MED12L: variants seen among roughly 807,000 people sequenced by gnomAD.
MED12L encodes mediator of RNA polymerase II transcription subunit 12-like protein.
A neutral mutation model predicts 281.3 loss-of-function variants in MED12L; 60 were observed. That is an observed-to-expected ratio of 0.21 (90% CI 0.17 to 0.26). The LOEUF (loss-of-function observed/expected upper bound fraction) is 0.26. MED12L is among the 10% of genes least tolerant of loss of function. The pLI is 1.00. For synonymous variants in MED12L, 974 were observed against 987.2 expected (o/e 0.99, Z 0.25); for missense variants, 2,146 against 2,680.9 (o/e 0.80, Z 4.41).
chr3:151,315,952 A>G (rs538499921), intron 16 of MED12L, among the ~76,000 whole-genome samples: 1 of 152,354 alleles, frequency 6.6e-6, no homozygotes, highest in Admixed American at 6.5e-5. Context: ...TGAGATCTCC[A>G]TGCTTGCTTC....
chr3:151,334,245 T>A (rs1469017724), intron 16 of MED12L, among the ~76,000 whole-genome samples: 1 of 141,144 alleles, frequency 7.1e-6, no homozygotes, highest in Non-Finnish European at 1.5e-5. Context: ...CTTTTCATGC[T>A]CTTGCCCCAT....
chr3:151,410,289 G>A (rs1427863112), intron 40 of MED12L, among the ~76,000 whole-genome samples: 1 of 152,148 alleles, frequency 6.6e-6, no homozygotes, highest in Non-Finnish European at 1.5e-5. Flanking sequence ...CCATCCCTCT[G>A]GGAATCAGGA....
chr3:151,412,613 G>A (rs918247606), intron 41 of MED12L, among the ~76,000 whole-genome samples: 1 of 152,218 alleles, frequency 6.6e-6, no homozygotes, highest in Non-Finnish European at 1.5e-5. Context: ...TTTGGAAAAT[G>A]TGCATTGTAT....
chr3:151,364,521 C>T (rs1755044879), intron 21 of MED12L, among the ~76,000 whole-genome samples: 1 of 152,290 alleles, frequency 6.6e-6, no homozygotes, highest in Non-Finnish European at 1.5e-5. Context: ...AGTCTTGGCA[C>T]ACGAACTTCT....
intron 16 of MED12L, among the ~76,000 whole-genome samples, chr3:151,335,063 A>G (rs141415256): frequency 1.0e-3 from 159 of 152,326 alleles, no homozygotes; most frequent in African/African-American, 3.4e-3. Context: ...TCATGTAAGT[A>G]TACAATGTGT....
chr3:151,372,709 A>G lies in MED12L; in HGVS notation c.3807A>G (p.Ile1269Met). ...AATCCTGTGGGAAAAGCATTTCCAT[A>G]GAAACTGCCAATTTAAGAGAATACG... The part of the protein sequence containing the change: ...NPKSCGKSIS[I>M]ETANLREYAR... Residue 1269 changes from isoleucine (I) to methionine (M), a missense_variant, in exon 27 of 45, where the codon ATA (isoleucine) becomes ATG (methionine). This residue lies in a region of MED12L where 235 missense variants were observed against 260.3 expected (regional missense o/e 0.90). Coordinates refer to ENST00000687756, the MANE Select transcript of MED12L (RefSeq NM_001393769.1). 8 of 1,613,958 alleles carry G rather than the reference A, an allele frequency of 5.0e-6. No homozygotes were observed. Among genetic ancestry groups the G allele is most frequent in the Non-Finnish European group, 6.8e-6 (8 of 1,179,842 alleles).
intron 16 of MED12L, among the ~76,000 whole-genome samples, chr3:151,234,927 C>G (rs1364452260): frequency 1.3e-5 from 2 of 152,226 alleles, no homozygotes; most frequent in Non-Finnish European, 2.9e-5. Context: ...CAGCCTGAAG[C>G]AGCAAACGTT....
At chr3:151,345,029 A>G (rs146411622) in intron 16 of MED12L, among the ~76,000 whole-genome samples, 94 of 152,348 alleles carry the variant, frequency 6.2e-4, no homozygotes, top group African/African-American at 2.3e-3. Flanking sequence ...CTCAAGAGAC[A>G]TATTTTAATT....
chr3:151,410,760 T>C (rs762154202), intron 40 of MED12L, among the ~76,000 whole-genome samples: 3 of 152,248 alleles, frequency 2.0e-5, no homozygotes, highest in Non-Finnish European at 4.4e-5. Flanking sequence ...TTTTTTGTTA[T>C]TGTTTTGGAA....
chr3:151,387,295 A>G (rs1011480022), intron 36 of MED12L, among the ~76,000 whole-genome samples: 3 of 151,990 alleles, frequency 2.0e-5, no homozygotes, highest in African/African-American at 7.2e-5. Context: ...ATAATATTAT[A>G]TTCAGAGTAT....
At chr3:151,366,311 G>A (rs1020396351) in intron 23 of MED12L, among the ~76,000 whole-genome samples, 2 of 152,100 alleles carry the variant, frequency 1.3e-5, no homozygotes, top group Non-Finnish European at 2.9e-5. Context: ...TTTACCAACT[G>A]CCCTGGATTC....
At chr3:151,212,577 TAA>T (rs1425396280) in intron 16 of MED12L, 1 of 152,108 alleles carries the variant, frequency 6.6e-6, no homozygotes, top group Non-Finnish European at 1.5e-5. Context: ...AAAGCCTACT[TAA>T]AAATATTCTA....
intron 26 of MED12L, 51 bp downstream of exon 26, chr3:151,369,600 C>CA: frequency 8.4e-7 from 1 of 1,184,522 alleles, no homozygotes; most frequent in Non-Finnish European, 1.2e-6. Context: ...GAAATGAAGG[C>CA]AAAATAATTT....
intron 4 of MED12L, among the ~76,000 whole-genome samples, chr3:151,124,528 G>A (rs1441385103): frequency 6.6e-6 from 1 of 152,196 alleles, no homozygotes; most frequent in Non-Finnish European, 1.5e-5. Context: ...ATGGGGTAAA[G>A]CAATACATTC....
chr3:151,322,684 C>T (rs1032991873), intron 16 of MED12L, among the ~76,000 whole-genome samples: 1 of 152,080 alleles, frequency 6.6e-6, no homozygotes, highest in Non-Finnish European at 1.5e-5. Context: ...CTATCTCTTC[C>T]TCCTTGAATC....
At chr3:151,391,273 A>G (rs1714197397) in intron 38 of MED12L, among the ~76,000 whole-genome samples, 1 of 152,214 alleles carries the variant, frequency 6.6e-6, no homozygotes, top group Admixed American at 6.5e-5. Context: ...ATGTTCAGTA[A>G]GTGATCTTCA....
chr3:151,377,944 T>C, intron 30 of MED12L, 68 bp from the exon 31 acceptor site: 1 of 1,419,954 alleles, frequency 7.0e-7, no homozygotes, highest in Non-Finnish European at 9.4e-7. Context: ...GCTTTGGAGT[T>C]TCTGTTATAA....
chr3:151,326,588 T>C (rs191166506), intron 16 of MED12L: 15 of 152,310 alleles, frequency 9.8e-5, no homozygotes, highest in African/African-American at 3.6e-4. Context: ...GGGGGAAATA[T>C]ACATGTGTGG....
rs73869195 is a variant in MED12L, at chr3:151,315,376, G to T, written c.2251-34683G>T. Among the ~76,000 whole-genome samples, 1,269 of 152,284 alleles carry T rather than the reference G, an allele frequency of 8.3e-3. 19 individuals carry two copies. The highest frequency in any genetic ancestry group is 0.029 in the African/African-American group (1,194 of 41,548). On this transcript the variant is annotated intron_variant, in intron 16 of 44. Coordinates refer to ENST00000687756, the MANE Select transcript of MED12L (RefSeq NM_001393769.1). Reference sequence around the variant, plus strand: ...CCTTTTCCCACCCACATCTCTGAATGCAGTAAATCCTCTTAGCATGTTATC... The same window carrying T: ...CCTTTTCCCACCCACATCTCTGAATTCAGTAAATCCTCTTAGCATGTTATC...
Sources: allele counts gnomAD v4.1 joint callset (sites outside exome capture counted in the v4.1 genomes callset), GRCh38; gene constraint gnomAD v4.1.1; regional missense constraint gnomAD v4.1.1; transcripts MANE v1.5; gene names NCBI Gene and HGNC (gene_info 2026-07-23, HGNC 2026-07-21).